Variants in CDH17 observed in about 807,000 individuals in gnomAD.
CDH17 encodes cadherin-17.
In CDH17, 67 loss-of-function variants were observed where a neutral mutation model predicts 86.3. The ratio of observed to expected loss-of-function variants is 0.78; its 90% CI spans 0.64 to 0.95. CDH17 has a LOEUF of 0.95. Ranked by LOEUF, CDH17 falls within the 40% of genes least tolerant of loss-of-function variation. CDH17 has a pLI of 0.00. For missense variants in CDH17, 993 were observed against 1,017.6 expected (o/e 0.98, Z 0.33); for synonymous variants, 367 against 366.4 (o/e 1.00, Z -0.02).
chr8:94,209,001 T>G (rs1278761193), upstream of CDH17, among the ~76,000 whole-genome samples: 1 of 152,150 alleles, frequency 6.6e-6, no homozygotes, highest in Non-Finnish European at 1.5e-5. Context: ...AGTTCATTGA[T>G]AACCAGCCAC....
At chr8:94,163,081 G>A (rs529193562) in intron 10 of CDH17, among the ~76,000 whole-genome samples, 2 of 152,344 alleles carry the variant, frequency 1.3e-5, no homozygotes, top group East Asian at 3.9e-4. Flanking sequence ...TCATAATACA[G>A]TTGTTAGCGG....
chr8:94,214,412 A>G (rs1814165778), intron 1 of CDH17, among the ~76,000 whole-genome samples: 1 of 152,212 alleles, frequency 6.6e-6, no homozygotes, highest in Admixed American at 6.5e-5. Context: ...TTTCCTGGGA[A>G]AGAATACTCT....
At chr8:94,212,192 G>A (rs1814131939), upstream of CDH17, among the ~76,000 whole-genome samples, 1 of 152,222 alleles carries the variant, frequency 6.6e-6, no homozygotes, top group South Asian at 2.1e-4. Context: ...CTCTGTCACA[G>A]GCTGACAGGC....
intron 12 of CDH17, 142 bp from the exon 13 acceptor site, chr8:94,152,254 G>T: frequency 2.3e-6 from 2 of 860,198 alleles, no homozygotes; most frequent in Non-Finnish European, 3.5e-6. Context: ...AATGAAATTA[G>T]ACTATTTCAT....
rs1362617474 is a variant in CDH17, at chr8:94,199,071, ATATATATATATATTTT to A, written c.-20-4382_-20-4367del. Among the ~76,000 whole-genome samples the A allele has an allele frequency of 1.8e-3, 30 of 16,306 alleles. 1 individual carries two copies. The highest frequency in any genetic ancestry group is 4.1e-3 in the African/African-American group (20 of 4,822). The allele number at this position is 16,306 out of a possible 152,430, so 10.7% of individuals were successfully genotyped here. A position where few individuals can be genotyped will look rare whatever the true frequency, so the allele number is the denominator to read the frequency against. On this transcript the variant is annotated intron_variant, in intron 1 of 17. Coordinates refer to ENST00000027335, the MANE Select transcript of CDH17 (RefSeq NM_004063.4). The stretch of plus-strand genomic sequence containing the variant: ...TATATATATATATATATATATATAT[ATATATATATATATTTT>A]TTTTTTTTTATCATTTGTCTGTTAG...
chr8:94,176,546 CGA>C lies in CDH17; in HGVS notation c.417_418del (p.Arg140ProfsTer15). 6.2e-7 allele frequency: 1 copy of C among 1,613,538 alleles called. No individual in the cohort carries two copies. Among genetic ancestry groups the C allele is most frequent in the Non-Finnish European group, 8.5e-7 (1 of 1,179,654 alleles). ...CTCTGGCCCCTGCCTGTTACCTGGGCGAGAGTTCTGCCTTACTGAGCCTTCGT... is the reference window on the plus strand; with the variant it reads ...CTCTGGCCCCTGCCTGTTACCTGGGCGAGTTCTGCCTTACTGAGCCTTCGT... On this transcript the variant is annotated frameshift_variant, in exon 5 of 18. Transcript: ENST00000027335. LOFTEE classifies it high-confidence loss of function.
chr8:94,147,173 G>A (rs1236651124), intron 14 of CDH17, among the ~76,000 whole-genome samples: 2 of 152,062 alleles, frequency 1.3e-5, no homozygotes, highest in Non-Finnish European at 2.9e-5. Context: ...ATGAGAAAGG[G>A]GTGTGCACAG....
At chr8:94,178,403 C>T (rs1469366766) in intron 3 of CDH17, among the ~76,000 whole-genome samples, 1 of 151,928 alleles carries the variant, frequency 6.6e-6, no homozygotes, top group Non-Finnish European at 1.5e-5. Flanking sequence ...ATATAAATTC[C>T]TATAATCCTT....
intron 1 of CDH17, among the ~76,000 whole-genome samples, chr8:94,196,011 C>T (rs1341672884): frequency 6.6e-6 from 1 of 152,190 alleles, no homozygotes; most frequent in Admixed American, 6.5e-5. Context: ...CTGCCTGCGT[C>T]GGCCTCCCAA....
chr8:94,208,826 T>C (rs549264888), upstream of CDH17, among the ~76,000 whole-genome samples: 1 of 152,346 alleles, frequency 6.6e-6, no homozygotes, highest in Non-Finnish European at 1.5e-5. Context: ...GGAAAAGTTT[T>C]TGTGTATCCA....
chr8:94,138,239 C>T (rs1812571613), intron 15 of CDH17, among the ~76,000 whole-genome samples: 1 of 151,666 alleles, frequency 6.6e-6, no homozygotes, highest in Admixed American at 6.6e-5. Context: ...ATTATTATGG[C>T]CCACCTAGAT....
At chr8:94,141,748 C>G (rs1812642317) in intron 15 of CDH17, among the ~76,000 whole-genome samples, 1 of 152,050 alleles carries the variant, frequency 6.6e-6, no homozygotes, top group Admixed American at 6.6e-5. Context: ...TAAATGGAGA[C>G]ATATACCATG....
At chr8:94,171,017 C>CT in intron 7 of CDH17, 32 bp from the exon 8 acceptor site, 1 of 1,606,316 alleles carries the variant, frequency 6.2e-7, no homozygotes, top group Non-Finnish European at 8.5e-7. Context: ...GTGAGGAAAG[C>CT]TGTATTTGGA....
At position 94,128,281 on chromosome 8, in the gene CDH17, C is replaced by G. The variant is rs149085669; in HGVS notation, c.2458G>C (p.Glu820Gln). Reference protein sequence around the residue: ...IKKDKGKDNVESAQASEVKPL... With the variant: ...IKKDKGKDNVQSAQASEVKPL... ...TTGACTTCAGATGCTTGAGCACTTTCAACATTATCTTTGCCTTTATCCTTC... is the reference window on the plus strand; with the variant it reads ...TTGACTTCAGATGCTTGAGCACTTTGAACATTATCTTTGCCTTTATCCTTC... Residue 820 changes from glutamate to glutamine, a missense_variant, in exon 18 of 18, where the codon GAA becomes CAA. Transcript: ENST00000027335. 1.2e-6 allele frequency: 2 copies of G among 1,613,698 alleles called. No homozygotes were observed. Among genetic ancestry groups the G allele is most frequent in the Non-Finnish European group, 1.7e-6 (2 of 1,179,784 alleles).
chr8:94,211,076 T>A (rs527746064), upstream of CDH17, among the ~76,000 whole-genome samples: 19 of 150,856 alleles, frequency 1.3e-4, no homozygotes, highest in Admixed American at 8.6e-4. Context: ...CTTGGGCTAA[T>A]GCTTTCAACT....
At chr8:94,136,234 T>C (rs1812523159) in intron 15 of CDH17, among the ~76,000 whole-genome samples, 1 of 152,242 alleles carries the variant, frequency 6.6e-6, no homozygotes, top group African/African-American at 2.4e-5. Flanking sequence ...TCCTGGATAA[T>C]ATCCTGAAGA....
chr8:94,200,637 C>A (rs1162409630), intron 1 of CDH17, among the ~76,000 whole-genome samples: 2 of 147,512 alleles, frequency 1.4e-5, no homozygotes, highest in Admixed American at 6.9e-5. Context: ...CCAATGGGCA[C>A]CACCATGACC....
At chr8:94,146,235 C>A in intron 14 of CDH17, 68 bp from the exon 15 acceptor site, 1 of 1,374,716 alleles carries the variant, frequency 7.3e-7, no homozygotes, top group South Asian at 2.1e-5. Context: ...AAAGATTTCC[C>A]TTTCTTTAAA....
chr8:94,152,149 G>A (rs759420402), intron 12 of CDH17, 37 bp from the exon 13 acceptor site: 1 of 1,606,682 alleles, frequency 6.2e-7, no homozygotes, highest in South Asian at 1.1e-5. Flanking sequence ...ATTTTGGGGT[G>A]ATTAGCTCCC....
Sources: gnomAD v4.1 joint callset for allele counts (sites outside exome capture counted in the v4.1 genomes callset) on GRCh38, gnomAD v4.1.1 for gene constraint, MANE v1.5 for transcripts, NCBI Gene and HGNC (gene_info 2026-07-23, HGNC 2026-07-21) for gene names.